The following PPP3CA variants were observed in gnomAD, a reference collection of about 807,000 sequenced individuals.
PPP3CA encodes the protein CAM-PRP catalytic subunit.
In PPP3CA, 14 loss-of-function variants were observed where a neutral mutation model predicts 66.5. The ratio of observed to expected loss-of-function variants is 0.21; its 90% CI spans 0.14 to 0.33. The LOEUF (loss-of-function observed/expected upper bound fraction) is 0.33, where lower values mean the gene tolerates loss of function less well. PPP3CA is among the 10% of genes least tolerant of loss of function. PPP3CA has a pLI of 1.00. For missense variants in PPP3CA, 317 were observed against 639.5 expected (o/e 0.50, Z 5.44); for synonymous variants, 232 against 226.2 (o/e 1.03, Z -0.23).
intron 1 of PPP3CA, 108 bp downstream of exon 1, chr4:101,346,631 G>A (rs1235514340): frequency 6.2e-6 from 6 of 963,908 alleles, no homozygotes; most frequent in East Asian, 5.3e-5. Context: ...GGCTGGAGCG[G>A]ACAGAGGAGA....
chr4:101,168,708 T>C (rs995662930), intron 2 of PPP3CA, among the ~76,000 whole-genome samples: 1 of 152,136 alleles, frequency 6.6e-6, no homozygotes, highest in African/African-American at 2.4e-5. Flanking sequence ...GACTAAAAAT[T>C]GGCTGATGGC....
At chr4:101,342,075 A>G (rs1157612901) in intron 1 of PPP3CA, among the ~76,000 whole-genome samples, 2 of 152,186 alleles carry the variant, frequency 1.3e-5, no homozygotes, top group African/African-American at 2.4e-5. Context: ...TGGTCTATCA[A>G]AATTATATTT....
At chr4:101,184,964 G>T (rs1724365112) in intron 2 of PPP3CA, among the ~76,000 whole-genome samples, 1 of 152,092 alleles carries the variant, frequency 6.6e-6, no homozygotes, top group Non-Finnish European at 1.5e-5. Flanking sequence ...ATGCAAGAAG[G>T]AGCAGGAGGC....
chr4:101,125,204 T>C (rs1722208419), intron 2 of PPP3CA, among the ~76,000 whole-genome samples: 1 of 152,238 alleles, frequency 6.6e-6, no homozygotes. Flanking sequence ...TTACTAAACA[T>C]ATCTTTCCCT....
intron 1 of PPP3CA, among the ~76,000 whole-genome samples, chr4:101,331,310 C>T (rs1005256823): frequency 6.6e-6 from 1 of 152,036 alleles, no homozygotes; most frequent in African/African-American, 2.4e-5. Context: ...ATATTAATGT[C>T]ATTAAAATTT....
At position 101,106,450 on chromosome 4, in the gene PPP3CA, A is replaced by AAAGAAAGAAAGAAAGAAGAGAAGAG. The variant is rs751759518; in HGVS notation, c.384+2503_384+2504insCTCTTCTCTTCTTTCTTTCTTTCTT. Among the ~76,000 whole-genome samples the AAAGAAAGAAAGAAAGAAGAGAAGAG allele has an allele frequency of 3.6e-4, 4 of 11,092 alleles. 1 individual carries two copies. Among genetic ancestry groups the AAAGAAAGAAAGAAAGAAGAGAAGAG allele is most frequent in the Non-Finnish European group, 6.9e-4 (4 of 5,770 alleles). 7.3% of individuals were successfully genotyped at this position (11,092 alleles called of 152,430 possible). On this transcript the variant is annotated intron_variant, in intron 3 of 13. Coordinates refer to ENST00000394854, the MANE Select transcript of PPP3CA (RefSeq NM_000944.5). The stretch of plus-strand genomic sequence containing the variant: ...GAAAGAAAGAAAGAAAGAAAGAAAG[A>AAAGAAAGAAAGAAAGAAGAGAAGAG]AAGAGAAAAGAAAAGAAAAGAAAAG...
At chr4:101,083,763 C>T (rs1729541156) in intron 6 of PPP3CA, among the ~76,000 whole-genome samples, 1 of 152,110 alleles carries the variant, frequency 6.6e-6, no homozygotes, top group South Asian at 2.1e-4. Context: ...TATAATCTCC[C>T]AGATTTAAGA....
At chr4:101,223,957 AT>A (rs1349985249) in intron 1 of PPP3CA, among the ~76,000 whole-genome samples, 1 of 151,816 alleles carries the variant, frequency 6.6e-6, no homozygotes, top group Non-Finnish European at 1.5e-5. Flanking sequence ...CTATAAAACC[AT>A]TCCAAGAGGG....
intron 10 of PPP3CA, among the ~76,000 whole-genome samples, chr4:101,055,073 A>T (rs1728170057): frequency 6.6e-6 from 1 of 152,080 alleles, no homozygotes; most frequent in South Asian, 2.1e-4. Flanking sequence ...CATAATTTGT[A>T]TTATTTAAAA....
At chr4:101,275,181 G>C (rs138426427) in intron 1 of PPP3CA, among the ~76,000 whole-genome samples, 130 of 152,240 alleles carry the variant, frequency 8.5e-4, no homozygotes, top group South Asian at 8.5e-3. Context: ...ACTCTCTGCA[G>C]CCCTGACTCC....
intron 1 of PPP3CA, among the ~76,000 whole-genome samples, chr4:101,320,760 C>T (rs1369644039): frequency 2.0e-5 from 3 of 152,112 alleles, no homozygotes; most frequent in Non-Finnish European, 4.4e-5. Context: ...CAAACCTGGA[C>T]ACATTGCCTG....
chr4:101,066,084 CAGAG>C (rs1420337031), intron 8 of PPP3CA, among the ~76,000 whole-genome samples: 1 of 152,016 alleles, frequency 6.6e-6, no homozygotes, highest in Non-Finnish European at 1.5e-5. Flanking sequence ...AATAAGCAAA[CAGAG>C]AGGTTATCTG....
intron 1 of PPP3CA, among the ~76,000 whole-genome samples, chr4:101,281,662 TAAG>T (rs1727688610): frequency 6.6e-6 from 1 of 152,160 alleles, no homozygotes; most frequent in Admixed American, 6.6e-5. Context: ...TCAAATGTAA[TAAG>T]AAAGTGGTTA....
intron 1 of PPP3CA, among the ~76,000 whole-genome samples, chr4:101,340,301 AAAAC>A (rs1438861548): frequency 2.6e-5 from 4 of 152,194 alleles, no homozygotes; most frequent in African/African-American, 9.7e-5. Context: ...ATGGATAAGG[AAAAC>A]AAAAAGGACA....
intron 1 of PPP3CA, among the ~76,000 whole-genome samples, chr4:101,278,036 T>C (rs1487619488): frequency 2.0e-5 from 3 of 148,736 alleles, no homozygotes; most frequent in Admixed American, 6.9e-5. Context: ...ATCTAGCATA[T>C]AAAACTCCAT....
intron 1 of PPP3CA, among the ~76,000 whole-genome samples, chr4:101,280,016 G>A (rs997193132): frequency 1.3e-5 from 2 of 152,180 alleles, no homozygotes; most frequent in African/African-American, 4.8e-5. Context: ...TGGTAGTAAT[G>A]TTCATGTAGT....
chr4:101,129,397 T>C (rs1361634654), intron 2 of PPP3CA, among the ~76,000 whole-genome samples: 1 of 152,200 alleles, frequency 6.6e-6, no homozygotes, highest in Non-Finnish European at 1.5e-5. Flanking sequence ...TGAGTTCTGC[T>C]AAGGGACAGA....
At chr4:101,063,135 T>C (rs987291906) in intron 9 of PPP3CA, 97 bp downstream of exon 9, 1 of 1,402,030 alleles carries the variant, frequency 7.1e-7, no homozygotes, top group Non-Finnish European at 9.6e-7. Context: ...TGAATTTTAT[T>C]GGCTGGGCCA....
chr4:101,324,126 G>A (rs546868342), intron 1 of PPP3CA, among the ~76,000 whole-genome samples: 22 of 130,102 alleles, frequency 1.7e-4, no homozygotes, highest in Non-Finnish European at 2.0e-4. Context: ...AGAAAAGAAA[G>A]GAAGGGAAGG....
Sources: gnomAD v4.1 joint callset for allele counts (sites outside exome capture counted in the v4.1 genomes callset) on GRCh38, gnomAD v4.1.1 for gene constraint, MANE v1.5 for transcripts, NCBI Gene and HGNC (gene_info 2026-07-23, HGNC 2026-07-21) for gene names.